Variants in YEATS2 observed in about 807,000 individuals in gnomAD.
The protein encoded by YEATS2 is YEATS domain-containing protein 2.
A neutral mutation model predicts 163.2 loss-of-function variants in YEATS2; 77 were observed. That is an observed-to-expected ratio of 0.47 (90% confidence interval 0.39 to 0.57). The LOEUF (loss-of-function observed/expected upper bound fraction) is 0.57, where lower values mean the gene tolerates loss of function less well. Among genes scored for constraint, YEATS2 ranks in the 20% least tolerant of loss-of-function variants. YEATS2 has a pLI of 0.00. For synonymous variants in YEATS2, 631 were observed against 645.1 expected, an observed-to-expected ratio of 0.98 and a Z score of 0.33; for missense variants, 1,549 against 1,729.8, an observed-to-expected ratio of 0.90 and a Z score of 1.85.
At chr3:183,733,622 AT>A (rs1718037592) in intron 7 of YEATS2, among the ~76,000 whole-genome samples, 1 of 152,186 alleles carries the variant, frequency 6.6e-6, no homozygotes, top group Non-Finnish European at 1.5e-5. Flanking sequence ...AATTTAACGA[AT>A]AAGGGAGGAT....
chr3:183,764,543 C>A (rs1295452630), intron 15 of YEATS2, among the ~76,000 whole-genome samples: 1 of 152,166 alleles, frequency 6.6e-6, no homozygotes, highest in Non-Finnish European at 1.5e-5. Context: ...GTCGCAGTGG[C>A]TCACGCCTAT....
intron 14 of YEATS2, 94 bp downstream of exon 14, chr3:183,761,708 T>C: frequency 8.5e-7 from 1 of 1,181,940 alleles, no homozygotes; most frequent in Middle Eastern, 2.0e-4. Context: ...TGTTACTTTT[T>C]AGTGGGTCTC....
At chr3:183,742,366 C>A (rs1235478471) in intron 8 of YEATS2, among the ~76,000 whole-genome samples, 9 of 152,020 alleles carry the variant, frequency 5.9e-5, no homozygotes. Context: ...ATTTGTGATT[C>A]ATGAGAGGAG....
At position 183,798,970 on chromosome 3, in the gene YEATS2, T is replaced by A. The variant is rs748282824; in HGVS notation, c.3306T>A (p.Ala1102=). 16 of 1,614,040 alleles carry A rather than the reference T, an allele frequency of 9.9e-6. No homozygotes were observed. In the East Asian group the frequency reaches 3.6e-4, roughly 36 times the overall value. ...CAACTCCAGTTGTCCCCAGCTCTGC[T>A]CCAGCAGCTGTTGCAAAAGGTACGT... ...AAPTPVVPSS[A]PAAVAKVKTE... The change falls in exon 23 of 31, where the codon GCT becomes GCA. Residue 1102 remains alanine (A), a synonymous_variant. Coordinates refer to ENST00000305135, the MANE Select transcript of YEATS2 (RefSeq NM_018023.5).
At chr3:183,730,063 T>A (rs571634485) in intron 7 of YEATS2, among the ~76,000 whole-genome samples, 2 of 94,648 alleles carry the variant, frequency 2.1e-5, no homozygotes, top group African/African-American at 1.2e-4. Context: ...TTTTTTTTTT[T>A]TTTTTTTTTT....
chr3:183,701,997 C>A (rs1345394978), intron 1 of YEATS2, among the ~76,000 whole-genome samples: 1 of 152,228 alleles, frequency 6.6e-6, no homozygotes, highest in Admixed American at 6.5e-5. Context: ...CTCACAGTTA[C>A]TTTCCAATGG....
intron 1 of YEATS2, among the ~76,000 whole-genome samples, chr3:183,714,286 C>T (rs945539312): frequency 9.3e-5 from 14 of 150,892 alleles, no homozygotes; most frequent in African/African-American, 3.2e-4. Context: ...AGCTCTGCCT[C>T]CTGGGTTCAC....
chr3:183,715,025 ATATT>A (rs942429719), intron 1 of YEATS2, 115 bp from the exon 2 acceptor site: 117 of 583,680 alleles, frequency 2.0e-4, no homozygotes, highest in African/African-American at 1.3e-3. Flanking sequence ...TATTAATGTA[ATATT>A]TATTTATTTA....
chr3:183,757,498 C>T (rs1720892257), intron 12 of YEATS2, among the ~76,000 whole-genome samples: 1 of 151,944 alleles, frequency 6.6e-6, no homozygotes, highest in South Asian at 2.1e-4. Flanking sequence ...ACCATGTTGG[C>T]CAGGCTGGTC....
At chr3:183,762,055 T>C (rs149228349) in intron 14 of YEATS2, 42 bp from the exon 15 acceptor site, 2 of 1,612,012 alleles carry the variant, frequency 1.2e-6, no homozygotes, top group East Asian at 2.2e-5. Context: ...TAAAATGGGA[T>C]GTTTATGGAT....
chr3:183,803,150 A>G (rs1220819057), intron 25 of YEATS2, 106 bp from the exon 26 acceptor site: 1 of 1,166,116 alleles, frequency 8.6e-7, no homozygotes, highest in Non-Finnish European at 1.2e-6. Context: ...AGGAACATAC[A>G]TGCGATAAAG....
intron 1 of YEATS2, among the ~76,000 whole-genome samples, chr3:183,714,777 G>GTTCCT (rs1347297546): frequency 6.6e-6 from 1 of 152,106 alleles, no homozygotes; most frequent in African/African-American, 2.4e-5. Context: ...TCAAAGTCTG[G>GTTCCT]TTCCTTTCCT....
At chr3:183,806,829 C>G (rs775369162) in intron 27 of YEATS2, 37 bp from the exon 28 acceptor site, 2 of 1,609,546 alleles carry the variant, frequency 1.2e-6, no homozygotes. Flanking sequence ...TTCCGTTGGC[C>G]CCACAGCTGT....
chr3:183,784,870 T>C (rs965717491), intron 19 of YEATS2, among the ~76,000 whole-genome samples: 2 of 150,960 alleles, frequency 1.3e-5, no homozygotes, highest in Non-Finnish European at 2.9e-5. Flanking sequence ...GGTCAGGAGT[T>C]TGAGACCAGC....
In YEATS2 at chr3:183,800,520, C is replaced by T. The variant is rs367601561; in HGVS notation, c.3380C>T (p.Thr1127Ile). The change falls in exon 24 of 31, where the codon ACA becomes ATA. Residue 1127 changes from threonine (T) to isoleucine (I), a missense_variant. Thr to Ile is a moderately conservative substitution (Grantham distance 89). Transcript: ENST00000305135. ...AGTTGCCTCTCTCAGGAGGGTCAGA[C>T]AGCAGTGAAAACAGAAGAAAGTTCT... is the stretch of plus-strand genomic sequence containing the variant. Reference protein sequence around the residue: ...GPSCLSQEGQTAVKTEESSEL... With the variant: ...GPSCLSQEGQIAVKTEESSEL... The T allele has an allele frequency of 5.6e-6, 9 of 1,614,060 alleles. 1 individual carries two copies. The African/African-American group carries it at 1.2e-4, about 22-fold the overall frequency.
chr3:183,794,013 C>T (rs1005753771), intron 21 of YEATS2, among the ~76,000 whole-genome samples: 1 of 152,170 alleles, frequency 6.6e-6, no homozygotes, highest in African/African-American at 2.4e-5. Context: ...CTTAAGGTCT[C>T]ATTGGGACAG....
At chr3:183,713,572 A>G (rs560430930) in intron 1 of YEATS2, among the ~76,000 whole-genome samples, 2 of 152,176 alleles carry the variant, frequency 1.3e-5, no homozygotes, top group Admixed American at 6.5e-5. Context: ...CAATCAATCA[A>G]TCAATCAATA....
At chr3:183,771,675 C>G (rs1722489668) in intron 15 of YEATS2, among the ~76,000 whole-genome samples, 1 of 146,822 alleles carries the variant, frequency 6.8e-6, no homozygotes, top group African/African-American at 2.5e-5. Context: ...GCCTCAGCCT[C>G]CTGAATAGCT....
Position 183,761,506 on chromosome 3 carries a change from G to A in YEATS2, c.1657-1G>A. On this transcript the variant is annotated splice_acceptor_variant, in intron 13 of 30. Transcript: ENST00000305135. LOFTEE classifies it high-confidence loss of function. ...TAAAATATGTATTTTTACACACACA[G>A]CAGGAGGATTCTTTGTTTGCATCTA... The A allele has an allele frequency of 6.2e-7, 1 of 1,613,414 alleles. No homozygotes were observed. The highest frequency in any genetic ancestry group is 8.5e-7 in the Non-Finnish European group (1 of 1,179,376).
Sources: gnomAD v4.1 joint callset for allele counts (sites outside exome capture counted in the v4.1 genomes callset) on GRCh38, gnomAD v4.1.1 for gene constraint, MANE v1.5 for transcripts, NCBI Gene and HGNC (gene_info 2026-07-23, HGNC 2026-07-21) for gene names.